VPS35: variants seen among roughly 807,000 people sequenced by gnomAD.
VPS35 encodes VPS35 retromer complex component, also known as vacuolar protein sorting-associated protein 35.
In VPS35, 21 loss-of-function variants were observed where a neutral mutation model predicts 98.1. The ratio of observed to expected loss-of-function variants is 0.21; its 90% CI spans 0.15 to 0.31. The LOEUF is 0.31. VPS35 is among the 10% of genes least tolerant of loss of function. The pLI is 1.00. For missense variants in VPS35, 554 were observed against 950.8 expected (o/e 0.58, Z 5.49); for synonymous variants, 268 against 318.2 (o/e 0.84, Z 1.68).
chr16:46,679,893 A>C (rs2143008578), intron 5 of VPS35, among the ~76,000 whole-genome samples: 1 of 152,326 alleles, frequency 6.6e-6, no homozygotes, highest in East Asian at 1.9e-4. Flanking sequence ...ATTAAAAAAC[A>C]TTAGAAATAA....
At chr16:46,687,231 A>C (rs1966330691) in intron 1 of VPS35, among the ~76,000 whole-genome samples, 1 of 152,248 alleles carries the variant, frequency 6.6e-6, no homozygotes, top group African/African-American at 2.4e-5. Context: ...ACAAAGGTAC[A>C]GAATATCACG....
At chr16:46,670,450 A>AT (rs1320243484) in intron 12 of VPS35, among the ~76,000 whole-genome samples, 3 of 151,950 alleles carry the variant, frequency 2.0e-5, no homozygotes, top group Admixed American at 1.3e-4. Flanking sequence ...CGCCCAGCTA[A>AT]TTTTTTGCAT....
chr16:46,676,065 C>CAAAAAAAA (rs369452932), intron 8 of VPS35, among the ~76,000 whole-genome samples: 1 of 63,594 alleles, frequency 1.6e-5, no homozygotes, highest in African/African-American at 6.9e-5. Flanking sequence ...GGATCTGTCT[C>CAAAAAAAA]AAAAAAAAAA....
chr16:46,660,442 T>C lies in VPS35; in HGVS notation c.*30A>G. 2 of 1,611,598 alleles carry C rather than the reference T, an allele frequency of 1.2e-6. No individual in the cohort carries two copies. Among genetic ancestry groups the C allele is most frequent in the Non-Finnish European group, 8.5e-7 (1 of 1,179,794 alleles). ...TAATAAAACCCTCACTGGATGTACA[T>C]GGAAAGGAGTATGGTGAGCTATTTC... is the stretch of plus-strand genomic sequence containing the variant. On this transcript the variant is annotated 3_prime_UTR_variant, in exon 17 of 17. Transcript: ENST00000299138.
At chr16:46,660,915 G>C (rs1331085223) in intron 16 of VPS35, 6 of 463,028 alleles carry the variant, frequency 1.3e-5, no homozygotes, top group South Asian at 1.7e-5. Flanking sequence ...GGAGGCTGAG[G>C]TGGGCAGATC....
At position 46,661,554 on chromosome 16, in the gene VPS35, T is replaced by C. The variant is rs1029347336; in HGVS notation, c.2211+164A>G. 6 of 727,702 alleles carry C rather than the reference T, an allele frequency of 8.2e-6. No individual in the cohort carries two copies. The highest frequency in any genetic ancestry group is 1.3e-5 in the Non-Finnish European group (6 of 454,208). The allele number at this position is 727,702 out of a possible 1,614,324, so 45.1% of individuals were successfully genotyped here. On this transcript the variant is annotated intron_variant, in intron 16 of 16. Coordinates refer to ENST00000299138, the MANE Select transcript of VPS35 (RefSeq NM_018206.6). The surrounding 1 kb of genome is among the most constrained non-coding windows in gnomAD (Gnocchi z 4.3). ...CTAGGAATTATCTTAAACTAGAACA[T>C]TATGACAAATTAGCCTATTATTTGA...
chr16:46,682,133 T>C lies in VPS35; in HGVS notation c.145A>G (p.Met49Val). The change falls in exon 3 of 17, where the codon ATG (methionine) becomes GTG (valine). Residue 49 changes from methionine (M) to valine (V), a missense_variant. Physicochemically the swap from Met to Val is conservative, Grantham distance 21 (BLOSUM62 1). Transcript: ENST00000299138. The stretch of plus-strand genomic sequence containing the variant: ...ATAGAAGTCCGGAGTTCACCAAGCA[T>C]ATTAGAAGCATGTTTTAGAGCATCC... ...LMDALKHASNMLGELRTSMLS... is the reference protein window; with the variant it reads ...LMDALKHASNVLGELRTSMLS... 6.2e-7 allele frequency: 1 copy of C among 1,613,644 alleles called. No individual in the cohort carries two copies. The highest frequency in any genetic ancestry group is 1.1e-5 in the South Asian group (1 of 91,072).
In VPS35 at chr16:46,660,347, C is replaced by T. The variant is rs1596708138; in HGVS notation, c.*125G>A. On this transcript the variant is annotated 3_prime_UTR_variant, in exon 17 of 17. Transcript: ENST00000299138. The stretch of plus-strand genomic sequence containing the variant: ...TCCGGAGGTGCTGGGTAAAACACAT[C>T]ACAGGTAAGAAATGGGAAACCTACC... 1 of 1,209,326 alleles carries T rather than the reference C, an allele frequency of 8.3e-7. No homozygotes were observed. Among genetic ancestry groups the T allele is most frequent in the East Asian group, 2.3e-5 (1 of 42,702 alleles). 74.9% of individuals were successfully genotyped at this position (1,209,326 alleles called of 1,614,324 possible).
At chr16:46,663,489 C>T (rs2143006016) in intron 13 of VPS35, among the ~76,000 whole-genome samples, 1 of 152,322 alleles carries the variant, frequency 6.6e-6, no homozygotes, top group East Asian at 1.9e-4. Context: ...TCAAGTGATT[C>T]TCCTGCCTCA....
At chr16:46,679,633 CTGT>C (rs1380567427) in intron 5 of VPS35, among the ~76,000 whole-genome samples, 2 of 152,276 alleles carry the variant, frequency 1.3e-5, no homozygotes, top group East Asian at 1.9e-4. Context: ...CATCATTTTA[CTGT>C]TGAATATTTT....
chr16:46,659,973 T>C lies in VPS35; in HGVS notation c.*499A>G, dbSNP rs1364469274. ...TTTAGGGAAAATCTTACACATGGCCTTATCTTGCAATTTAGGGGAAAGCCC... is the reference window on the plus strand; with the variant it reads ...TTTAGGGAAAATCTTACACATGGCCCTATCTTGCAATTTAGGGGAAAGCCC... On this transcript the variant is annotated 3_prime_UTR_variant, in exon 17 of 17. Transcript: ENST00000299138. 6.5e-6 allele frequency: 1 copy of C among 153,484 alleles called. No homozygotes were observed. Among genetic ancestry groups the C allele is most frequent in the Admixed American group, 6.5e-5 (1 of 15,444 alleles). 9.5% of individuals were successfully genotyped at this position (153,484 alleles called of 1,614,324 possible).
In VPS35 at chr16:46,656,758, G is replaced by C. The variant is rs1370206348; in HGVS notation, c.*3714C>G. The C allele has an allele frequency of 6.6e-6, 1 of 152,456 alleles. No individual in the cohort carries two copies. Among genetic ancestry groups the C allele is most frequent in the Non-Finnish European group, 1.5e-5 (1 of 68,236 alleles). 9.4% of individuals were successfully genotyped at this position (152,456 alleles called of 1,614,324 possible). On this transcript the variant is annotated 3_prime_UTR_variant, in exon 17 of 17. Coordinates refer to ENST00000299138, the MANE Select transcript of VPS35 (RefSeq NM_018206.6). ...AAGGTGGCTCATGCCTGTAATTCCA[G>C]CACTTTGGGAGGCTGAGCCAGGTGG...
chr16:46,684,696 G>C (rs1328254788), intron 1 of VPS35, among the ~76,000 whole-genome samples: 4 of 152,032 alleles, frequency 2.6e-5, no homozygotes, highest in African/African-American at 9.7e-5. Flanking sequence ...ACATCCTTGG[G>C]ATCCAACACA....
intron 1 of VPS35, 199 bp downstream of exon 1, chr16:46,688,932 C>A: frequency 2.0e-6 from 3 of 1,470,608 alleles, no homozygotes; most frequent in Non-Finnish European, 2.7e-6. Context: ...CAGCCAAGAG[C>A]CGCCGCCCAC....
rs1305490773 is a variant in VPS35, at chr16:46,663,058, A to G, written c.1752T>C (p.Phe584=). ...AELAELPLRL[F]LQGALAAGEI... The stretch of plus-strand genomic sequence containing the variant: ...CCCCAGCAGCTAGTGCTCCTTGAAG[A>G]AAAAGTCTTAAGGGCAATTCTGCCA... Residue 584 remains phenylalanine, a synonymous_variant, in exon 14 of 17, where the codon TTT becomes TTC. Coordinates refer to ENST00000299138, the MANE Select transcript of VPS35 (RefSeq NM_018206.6). 1 of 1,614,224 alleles carries G rather than the reference A, an allele frequency of 6.2e-7. No individual in the cohort carries two copies. The highest frequency in any genetic ancestry group is 2.2e-5 in the East Asian group (1 of 44,888).
Position 46,689,154 on chromosome 16 carries a change from A to T in VPS35, c.-21T>A, listed in dbSNP as rs1034958805. On this transcript the variant is annotated 5_prime_UTR_variant, in exon 1 of 17. Transcript: ENST00000299138. ...ACCATGGCGACTCCCCAGAGCCTGC[A>T]GCAAGCAGCACCCGCCCCGCGCGTA... 2 of 1,607,382 alleles carry T rather than the reference A, an allele frequency of 1.2e-6. No homozygotes were observed. Among genetic ancestry groups the T allele is most frequent in the Non-Finnish European group, 1.7e-6 (2 of 1,177,954 alleles).
intron 10 of VPS35, chr16:46,674,060 A>G (rs1436324674): frequency 1.0e-5 from 5 of 478,922 alleles, no homozygotes; most frequent in Non-Finnish European, 1.9e-5. Flanking sequence ...TGCCCCTGAC[A>G]CACAGAAAGG....
At chr16:46,682,336 C>T (rs1214263128) in intron 2 of VPS35, 161 bp from the exon 3 acceptor site, 1 of 625,988 alleles carries the variant, frequency 1.6e-6, no homozygotes, top group Non-Finnish European at 2.9e-6. Flanking sequence ...GATCGGTTCA[C>T]CTTGCCGTCT....
intron 12 of VPS35, among the ~76,000 whole-genome samples, chr16:46,670,473 T>G (rs564282843): frequency 6.6e-6 from 1 of 152,178 alleles, no homozygotes; most frequent in South Asian, 2.1e-4. Context: ...TTAGTAGAGA[T>G]GGGGTTTCAC....
Sources: allele counts gnomAD v4.1 joint callset (sites outside exome capture counted in the v4.1 genomes callset), GRCh38; gene constraint gnomAD v4.1.1; non-coding constraint Gnocchi (gnomAD v3.1); transcripts MANE v1.5; gene names NCBI Gene and HGNC (gene_info 2026-07-23, HGNC 2026-07-21).